Variants in GPR19 observed in about 807,000 individuals in gnomAD.
GPR19 encodes the protein G protein-coupled receptor 19.
Under a neutral mutation model 28.5 loss-of-function variants are expected in GPR19, and 14 were observed. That is an observed-to-expected ratio of 0.49 (90% CI 0.32 to 0.77). The LOEUF is 0.77. GPR19 is among the 30% of genes least tolerant of loss of function. The probability of loss-of-function intolerance (pLI) is 0.03; values close to 1 mark genes in which losing one functional copy is unlikely to be tolerated. For missense variants in GPR19, 409 were observed against 504.1 expected (o/e 0.81, Z 1.81); for synonymous variants, 173 against 184.1 (o/e 0.94, Z 0.49).
chr12:12,670,742 A>G (rs1337304111), intron 3 of GPR19, among the ~76,000 whole-genome samples: 4 of 152,234 alleles, frequency 2.6e-5, no homozygotes, highest in Non-Finnish European at 5.9e-5. Flanking sequence ...CACATACTAT[A>G]GTAATAATAC....
chr12:12,712,999 G>A, the GPR19 span, among the ~76,000 whole-genome samples: 1 of 149,702 alleles, frequency 6.7e-6, no homozygotes, highest in African/African-American at 2.5e-5. Flanking sequence ...TTTCCATATC[G>A]CCAGGCCAAT....
At chr12:12,690,022 G>A (rs557785511) in intron 2 of GPR19, among the ~76,000 whole-genome samples, 19 of 152,228 alleles carry the variant, frequency 1.2e-4, no homozygotes, top group Non-Finnish European at 2.2e-4. Flanking sequence ...AGCTTTGTGA[G>A]AGACCCGAAG....
chr12:12,683,495 G>A (rs963027380), intron 3 of GPR19, among the ~76,000 whole-genome samples: 1 of 152,230 alleles, frequency 6.6e-6, no homozygotes, highest in African/African-American at 2.4e-5. Flanking sequence ...TGCTAGCTGT[G>A]TGACCTTGGG....
At chr12:12,674,253 A>G (rs1255805710) in intron 3 of GPR19, among the ~76,000 whole-genome samples, 3 of 144,146 alleles carry the variant, frequency 2.1e-5, no homozygotes, top group Admixed American at 1.4e-4. Context: ...CCTGGGCAAC[A>G]TAGTCAGACC....
chr12:12,675,138 G>C lies in GPR19; in HGVS notation c.-23+9213C>G, dbSNP rs182151130. ...CAACGTTCTAGGCTCCTTGAGGCCT[G>C]GACTTAGGACTGTTGTGATAGTCTG... On this transcript the variant is annotated intron_variant, in intron 3 of 3. Transcript: ENST00000651487. Among the ~76,000 whole-genome samples the C allele has an allele frequency of 2.5e-4, 38 of 152,296 alleles. No individual in the cohort carries two copies. The East Asian group carries it at 7.1e-3, about 29-fold the overall frequency.
At chr12:12,705,277 A>G in the GPR19 span, among the ~76,000 whole-genome samples, 1 of 152,034 alleles carries the variant, frequency 6.6e-6, no homozygotes, top group African/African-American at 2.4e-5. Flanking sequence ...AGATCGTGCT[A>G]TTGCACTCCA....
At chr12:12,672,904 C>G (rs990833697) in intron 3 of GPR19, among the ~76,000 whole-genome samples, 1 of 152,188 alleles carries the variant, frequency 6.6e-6, no homozygotes, top group African/African-American at 2.4e-5. Flanking sequence ...ATTATAATAA[C>G]TAGACAGACA....
the GPR19 span, among the ~76,000 whole-genome samples, chr12:12,708,429 GCCATTTTTCCAGGCATTTGAATC>G: frequency 6.6e-6 from 1 of 151,900 alleles, no homozygotes; most frequent in Admixed American, 6.6e-5. Flanking sequence ...TTTCAAAGAT[GCCATTTTTCCAGGCATTTGAATC>G]CCATTTTCCC....
intron 3 of GPR19, among the ~76,000 whole-genome samples, chr12:12,662,913 A>G (rs557884553): frequency 5.9e-5 from 9 of 152,382 alleles, no homozygotes; most frequent in African/African-American, 2.2e-4. Context: ...AAGCTTGGGC[A>G]GATGAAAACA....
At chr12:12,694,642 A>G (rs1428440973) in intron 2 of GPR19, among the ~76,000 whole-genome samples, 2 of 152,166 alleles carry the variant, frequency 1.3e-5, no homozygotes, top group Admixed American at 1.3e-4. Context: ...CAATAATCCT[A>G]TGGCACAGGC....
rs184216116 is a variant in GPR19 at position 12,679,617 on chromosome 12, G to A, written c.-23+4734C>T. Among the ~76,000 whole-genome samples, 3 of 149,960 alleles carry A rather than the reference G, an allele frequency of 2.0e-5. No homozygotes were observed. The East Asian group carries it at 5.9e-4, about 29-fold the overall frequency. ...TGCAGTGAGCCATGAGTGTACTACT[G>A]CACTCGAGGTTGGGTGACAGAGTGA... On this transcript the variant is annotated intron_variant, in intron 3 of 3. Transcript: ENST00000651487.
In GPR19 at chr12:12,682,359, A is replaced by G. The variant is rs142739897; in HGVS notation, c.-23+1992T>C. On this transcript the variant is annotated intron_variant, in intron 3 of 3. Transcript: ENST00000651487. ...TTGACTGTTGCCAAGTTCTTACTAC[A>G]CATGTGTCTCCTCACTGTCCTCTCT... 2.4e-4 allele frequency among the ~76,000 whole-genome samples: 37 copies of G among 152,318 alleles called. No individual in the cohort carries two copies. The East Asian group carries it at 5.8e-3, about 24-fold the overall frequency.
At chr12:12,665,134 G>A (rs995348712) in intron 3 of GPR19, among the ~76,000 whole-genome samples, 2 of 152,080 alleles carry the variant, frequency 1.3e-5, no homozygotes, top group Non-Finnish European at 2.9e-5. Flanking sequence ...ACAGAAAACT[G>A]TTCTAACTTT....
the GPR19 span, among the ~76,000 whole-genome samples, chr12:12,707,989 C>CTT: frequency 0.027 from 1,686 of 62,360 alleles, 411 homozygotes; most frequent in East Asian, 0.064. Context: ...ATTTCCTATT[C>CTT]TTTTTTTTTT....
the GPR19 span, among the ~76,000 whole-genome samples, chr12:12,702,203 T>C: frequency 6.6e-6 from 1 of 151,820 alleles, no homozygotes; most frequent in East Asian, 1.9e-4. Flanking sequence ...AACTAAATAT[T>C]TGTTGAATTT....
chr12:12,670,213 ATAAC>A (rs1243844957), intron 3 of GPR19, among the ~76,000 whole-genome samples: 1 of 152,216 alleles, frequency 6.6e-6, no homozygotes, highest in Non-Finnish European at 1.5e-5. Context: ...TTTCAGATAA[ATAAC>A]AAATAATTTT....
the GPR19 span, among the ~76,000 whole-genome samples, chr12:12,707,966 A>G: frequency 7.0e-6 from 1 of 141,932 alleles, no homozygotes; most frequent in Non-Finnish European, 1.5e-5. Context: ...CATGAATCCA[A>G]ATTTTGCTAT....
At chr12:12,712,638 A>C in the GPR19 span, among the ~76,000 whole-genome samples, 1 of 152,174 alleles carries the variant, frequency 6.6e-6, no homozygotes, top group African/African-American at 2.4e-5. Context: ...TTTGTACTTC[A>C]TAGCATCATG....
chr12:12,691,673 T>C (rs1407215934), intron 2 of GPR19, among the ~76,000 whole-genome samples: 1 of 152,220 alleles, frequency 6.6e-6, no homozygotes, highest in Non-Finnish European at 1.5e-5. Flanking sequence ...ATCCAATTCA[T>C]CTTTATACCT....
Sources: allele counts gnomAD v4.1 joint callset (sites outside exome capture counted in the v4.1 genomes callset), GRCh38; gene constraint gnomAD v4.1.1; transcripts MANE v1.5; gene names NCBI Gene and HGNC (gene_info 2026-07-23, HGNC 2026-07-21).